UBA5: variants seen among roughly 807,000 people sequenced by gnomAD.
UBA5 encodes the protein ubiquitin like modifier activating enzyme 5, also known as ubiquitin-like modifier-activating enzyme 5.
Under a neutral mutation model 52.9 loss-of-function variants are expected in UBA5, and 28 were observed. The observed-to-expected ratio is 0.53, with a 90% CI of 0.39 to 0.73. The LOEUF is 0.73. Among genes scored for constraint, UBA5 ranks in the 30% least tolerant of loss-of-function variants. UBA5 has a pLI of 0.00. For missense variants in UBA5, 388 were observed against 492.7 expected (o/e 0.79, Z 2.01); for synonymous variants, 135 against 162.1 (o/e 0.83, Z 1.27).
chr3:132,674,332 A>G (rs1459404749), intron 8 of UBA5, among the ~76,000 whole-genome samples: 1 of 152,122 alleles, frequency 6.6e-6, no homozygotes, highest in Admixed American at 6.5e-5. Flanking sequence ...TGCAAAGGTA[A>G]TTGTGGATTT....
chr3:132,663,249 T>G (rs1938242275), intron 1 of UBA5, among the ~76,000 whole-genome samples: 1 of 152,084 alleles, frequency 6.6e-6, no homozygotes, highest in Admixed American at 6.6e-5. Context: ...AACTTTCAGT[T>G]GAAAATCTGT....
intron 1 of UBA5, 149 bp from the exon 2 acceptor site, chr3:132,665,674 G>GT: frequency 1.4e-6 from 1 of 738,226 alleles, no homozygotes; most frequent in Non-Finnish European, 2.2e-6. Flanking sequence ...GTTTCATCTG[G>GT]TAAAAACCAG....
chr3:132,664,005 T>C (rs1031895672), intron 1 of UBA5, among the ~76,000 whole-genome samples: 9 of 152,114 alleles, frequency 5.9e-5, no homozygotes, highest in African/African-American at 2.2e-4. Context: ...AAAACTAAAA[T>C]AGTAGATAAC....
chr3:132,666,316 T>C (rs376494674), intron 3 of UBA5, among the ~76,000 whole-genome samples: 145 of 152,272 alleles, frequency 9.5e-4, no homozygotes, highest in African/African-American at 3.4e-3. Context: ...AATTTGGACT[T>C]AGGTGTTTTA....
Position 132,660,911 on chromosome 3 carries a change from A to G in UBA5, c.161+213A>G. 6.8e-7 allele frequency: 1 copy of G among 1,470,344 alleles called. No individual in the cohort carries two copies. The highest frequency in any genetic ancestry group is 9.0e-7 in the Non-Finnish European group (1 of 1,113,814). 91.1% of individuals were successfully genotyped at this position (1,470,344 alleles called of 1,614,324 possible). A position where few individuals can be genotyped will look rare whatever the true frequency, so the allele number is the denominator to read the frequency against. ...TAAAAACCTCCAGTGAGTCAGCCAT[A>G]TGGTGCTGCTCCTGTGCCTGCTGAG... On this transcript the variant is annotated intron_variant, in intron 1 of 11. Coordinates refer to ENST00000356232, the MANE Select transcript of UBA5 (RefSeq NM_024818.6). The surrounding 1 kb of genome is among the most constrained non-coding windows in gnomAD (Gnocchi z 4.1).
intron 8 of UBA5, among the ~76,000 whole-genome samples, chr3:132,672,811 T>G (rs956035174): frequency 1.3e-5 from 2 of 152,212 alleles, no homozygotes; most frequent in African/African-American, 4.8e-5. Flanking sequence ...CTATCTAAAC[T>G]GTAGCTAAAA....
rs1202704395 is a variant in UBA5 at position 132,672,048 on chromosome 3, A to G, written c.685-2A>G. 1 of 1,613,308 alleles carries G rather than the reference A, an allele frequency of 6.2e-7. No individual in the cohort carries two copies. Among genetic ancestry groups the G allele is most frequent in the South Asian group, 1.1e-5 (1 of 90,852 alleles). ...TTGAAATGTGTTTTATTTTTCATGT[A>G]GTGTGCTCCACCACTTGTAGTTGCT... On this transcript the variant is annotated splice_acceptor_variant, in intron 7 of 11. Transcript: ENST00000356232. LOFTEE classifies it high-confidence loss of function.
rs1938100794 is a variant in UBA5 at position 132,660,607 on chromosome 3, A to C, written c.70A>C (p.Ser24Arg). Residue 24 changes from serine to arginine, a missense_variant, in exon 1 of 12, where the codon AGT (serine) becomes CGT (arginine). Ser to Arg is a moderately radical substitution (Grantham distance 110, BLOSUM62 -1). This residue lies in a region of UBA5 where 95 missense variants were observed against 107.0 expected (regional missense o/e 0.89). Coordinates refer to ENST00000356232, the MANE Select transcript of UBA5 (RefSeq NM_024818.6). The surrounding 1 kb of genome is among the most constrained non-coding windows in gnomAD (Gnocchi z 4.1). ...ELERELAQER[S>R]LQVPRSGDGG... ...GGAGCGGGAACTTGCCCAGGAGAGG[A>C]GTCTGCAGGTCCCGAGGAGCGGCGA... The C allele has an allele frequency of 6.4e-7, 1 of 1,556,386 alleles. No homozygotes were observed. Among genetic ancestry groups the C allele is most frequent in the African/African-American group, 1.4e-5 (1 of 73,300 alleles).
rs752171911 is a variant in UBA5, at chr3:132,665,883, T to C, written c.207+15T>C. 1.2e-6 allele frequency: 2 copies of C among 1,613,196 alleles called. No individual in the cohort carries two copies. The highest frequency in any genetic ancestry group is 2.2e-5 in the South Asian group (2 of 91,044). On this transcript the variant is annotated intron_variant, in intron 2 of 11. Coordinates refer to ENST00000356232, the MANE Select transcript of UBA5 (RefSeq NM_024818.6). ...GCGACTATGAGGTATGATAAACCCT[T>C]TCCAAGTTTTTGTAAGATTAATTCA...
At chr3:132,675,160 A>G in intron 8 of UBA5, 88 bp from the exon 9 acceptor site, 1 of 944,948 alleles carries the variant, frequency 1.1e-6, no homozygotes, top group South Asian at 1.9e-5. Flanking sequence ...ATAATTACCT[A>G]TTTCAACGTT....
At chr3:132,675,436 C>A in intron 9 of UBA5, 53 bp downstream of exon 9, 1 of 1,576,602 alleles carries the variant, frequency 6.3e-7, no homozygotes, top group Non-Finnish European at 8.7e-7. Context: ...TAGGACAATA[C>A]ATAAACAGAT....
intron 7 of UBA5, 34 bp from the exon 8 acceptor site, chr3:132,672,016 T>C (rs760879507): frequency 1.0e-5 from 16 of 1,575,516 alleles, no homozygotes; most frequent in Middle Eastern, 1.7e-4. Flanking sequence ...ACTTTTTCTC[T>C]TTTTTTTTGA....
chr3:132,670,907 A>G (rs1938571830), intron 5 of UBA5, 58 bp from the exon 6 acceptor site: 2 of 1,205,610 alleles, frequency 1.7e-6, no homozygotes, highest in Admixed American at 3.4e-5. Context: ...AAGTAAGTAT[A>G]ATGTATTAGA....
At chr3:132,670,903 G>A (rs1576647523) in intron 5 of UBA5, 62 bp from the exon 6 acceptor site, 1 of 1,168,930 alleles carries the variant, frequency 8.6e-7, no homozygotes, top group East Asian at 2.4e-5. Flanking sequence ...GAACAAGTAA[G>A]TATAATGTAT....
rs1938802691 is a variant in UBA5, at chr3:132,675,607, A to G, written c.951A>G (p.Lys317=). 2 of 1,610,430 alleles carry G rather than the reference A, an allele frequency of 1.2e-6. No individual in the cohort carries two copies. Among genetic ancestry groups the G allele is most frequent in the East Asian group, 4.5e-5 (2 of 44,784 alleles). ...NCRKQQEEYK[K]KVAALPKQEV... ...TTGATGCTGTTTGATTTCTACAGAA[A>G]AAGGTAGCAGCACTGCCTAAACAAG... The change falls in exon 10 of 12, where the codon AAA becomes AAG. Residue 317 remains lysine (K), a splice_region_variant and synonymous_variant. Coordinates refer to ENST00000356232, the MANE Select transcript of UBA5 (RefSeq NM_024818.6).
rs1275042374 is a variant in UBA5 at position 132,679,006 on chromosome 3, C to T, written c.*2480C>T. 1.3e-5 allele frequency among the ~76,000 whole-genome samples: 2 copies of T among 151,658 alleles called. No homozygotes were observed. The highest frequency in any genetic ancestry group is 2.9e-5 in the Non-Finnish European group (2 of 67,914). On this transcript the variant is annotated 3_prime_UTR_variant, in exon 12 of 12. Transcript: ENST00000356232. ...TGCATCACATTTTTTTCATATTTCCCTTTCTGTAATCTCAGCACTTTGGGA... is the reference window on the plus strand; with the variant it reads ...TGCATCACATTTTTTTCATATTTCCTTTTCTGTAATCTCAGCACTTTGGGA...
At position 132,661,218 on chromosome 3, in the gene UBA5, T is replaced by C. The variant is rs1483483631; in HGVS notation, c.161+520T>C. Reference sequence around the variant, plus strand: ...CTCTTTTCTTCTTTCCTAACAAAGCTTATCAATTCAGCAGATGGAATATAG... The same window carrying C: ...CTCTTTTCTTCTTTCCTAACAAAGCCTATCAATTCAGCAGATGGAATATAG... On this transcript the variant is annotated intron_variant, in intron 1 of 11. Transcript: ENST00000356232. Among the ~76,000 whole-genome samples, 3 of 152,168 alleles carry C rather than the reference T, an allele frequency of 2.0e-5. No homozygotes were observed. The East Asian group carries it at 5.8e-4, about 29-fold the overall frequency.
chr3:132,655,761 T>C (rs986863836), upstream of UBA5, among the ~76,000 whole-genome samples: 4 of 152,214 alleles, frequency 2.6e-5, no homozygotes, highest in African/African-American at 4.8e-5. Context: ...GGCAAGATTA[T>C]TGTTACATCC....
chr3:132,665,951 A>G lies in UBA5; in HGVS notation c.208-33A>G, dbSNP rs199814511. On this transcript the variant is annotated intron_variant, in intron 2 of 11. Transcript: ENST00000356232. ...CTGGTGACATATTTGATGAAGAGCT[A>G]TTAACCAACATATACTATTTTATAT... The G allele has an allele frequency of 2.5e-5, 41 of 1,611,136 alleles. No individual in the cohort carries two copies. In the African/African-American group the frequency reaches 4.9e-4, roughly 19 times the overall value.
Sources: allele counts gnomAD v4.1 joint callset (sites outside exome capture counted in the v4.1 genomes callset), GRCh38; gene constraint gnomAD v4.1.1; regional missense constraint gnomAD v4.1.1; non-coding constraint Gnocchi (gnomAD v3.1); transcripts MANE v1.5; gene names NCBI Gene and HGNC (gene_info 2026-07-23, HGNC 2026-07-21).